MAP3K20: variants seen among roughly 807,000 people sequenced by gnomAD.
MAP3K20 encodes the protein HCCS-4.
A neutral mutation model predicts 85.7 loss-of-function variants in MAP3K20; 40 were observed. The ratio of observed to expected loss-of-function variants is 0.47; its 90% CI spans 0.36 to 0.61. The LOEUF is 0.61. Ranked by LOEUF, MAP3K20 falls within the 20% of genes least tolerant of loss-of-function variation. The pLI, the probability that MAP3K20 is intolerant of heterozygous loss-of-function variation, is 0.00. For synonymous variants in MAP3K20, 325 were observed against 327.7 expected, an observed-to-expected ratio of 0.99 and a Z score of 0.09; for missense variants, 817 against 961.7, an observed-to-expected ratio of 0.85 and a Z score of 1.99.
intron 11 of MAP3K20, chr2:173,225,289 A>T (rs1007575519): frequency 2.1e-5 from 8 of 387,930 alleles, no homozygotes; most frequent in African/African-American, 1.7e-4. Context: ...CAGTGTGCTC[A>T]GTAAAGTCTT....
chr2:173,105,602 A>G (rs2106165759), intron 2 of MAP3K20, among the ~76,000 whole-genome samples: 1 of 152,346 alleles, frequency 6.6e-6, no homozygotes, highest in East Asian at 1.9e-4. Context: ...ATTCTGATCC[A>G]TGCTACAATA....
intron 16 of MAP3K20, among the ~76,000 whole-genome samples, chr2:173,253,925 G>T (rs1371751589): frequency 6.6e-6 from 1 of 152,018 alleles, no homozygotes; most frequent in Non-Finnish European, 1.5e-5. Context: ...GGCGAAATTA[G>T]CCGGGCATGG....
At chr2:173,245,062 A>T (rs1684882749) in intron 16 of MAP3K20, among the ~76,000 whole-genome samples, 1 of 152,204 alleles carries the variant, frequency 6.6e-6, no homozygotes, top group Non-Finnish European at 1.5e-5. Flanking sequence ...AGAATAAGGT[A>T]TGACAGTGAC....
intron 14 of MAP3K20, 131 bp from the exon 15 acceptor site, chr2:173,238,242 G>A (rs1469349727): frequency 3.0e-5 from 22 of 723,532 alleles, no homozygotes; most frequent in South Asian, 3.8e-5. Flanking sequence ...CTAAATAGAC[G>A]TTGGATATAA....
chr2:173,235,332 G>T (rs1164444818), intron 14 of MAP3K20, among the ~76,000 whole-genome samples: 1 of 152,142 alleles, frequency 6.6e-6, no homozygotes, highest in Non-Finnish European at 1.5e-5. Context: ...TTGGGAACAG[G>T]TTGTTGTGAT....
At chr2:173,265,112 A>C (rs1030929692) in intron 19 of MAP3K20, among the ~76,000 whole-genome samples, 2 of 152,240 alleles carry the variant, frequency 1.3e-5, no homozygotes, top group Non-Finnish European at 2.9e-5. Flanking sequence ...TGTCTGGACA[A>C]GTCACTCACT....
intron 11 of MAP3K20, among the ~76,000 whole-genome samples, chr2:173,218,443 C>A (rs7566372): frequency 0.2 from 31,157 of 152,098 alleles, 3,329 homozygotes; most frequent in Admixed American, 0.24. Context: ...TTAAAAGTGC[C>A]ACATTTTATC....
chr2:173,125,808 GC>G, intron 2 of MAP3K20, among the ~76,000 whole-genome samples: 1 of 152,138 alleles, frequency 6.6e-6, no homozygotes, highest in East Asian at 1.9e-4. Flanking sequence ...GACTAAAGAT[GC>G]CTGCCACCAC....
chr2:173,250,688 C>G (rs1471641061), intron 16 of MAP3K20, among the ~76,000 whole-genome samples: 1 of 152,138 alleles, frequency 6.6e-6, no homozygotes. Flanking sequence ...TAGTCCTGTA[C>G]ATCATTATGA....
intron 2 of MAP3K20, among the ~76,000 whole-genome samples, chr2:173,100,644 A>G (rs1174700475): frequency 1.3e-5 from 2 of 152,186 alleles, no homozygotes; most frequent in African/African-American, 4.8e-5. Context: ...TCACCTACAT[A>G]GTAACAAACT....
intron 2 of MAP3K20, among the ~76,000 whole-genome samples, chr2:173,127,937 A>G (rs1353245088): frequency 6.6e-6 from 1 of 152,180 alleles, no homozygotes; most frequent in Admixed American, 6.5e-5. Flanking sequence ...GTGAACATAC[A>G]TGCCCAAAGT....
At chr2:173,197,907 C>A in intron 7 of MAP3K20, 119 bp from the exon 8 acceptor site, 2 of 662,756 alleles carry the variant, frequency 3.0e-6, no homozygotes, top group Non-Finnish European at 2.4e-6. Context: ...CAAGTTTCTA[C>A]AGTTGGGGTT....
intron 2 of MAP3K20, among the ~76,000 whole-genome samples, chr2:173,095,963 A>G (rs1227455877): frequency 2.0e-5 from 3 of 152,156 alleles, no homozygotes; most frequent in African/African-American, 7.2e-5. Flanking sequence ...TATTGTGAAA[A>G]ATTTCAAACA....
chr2:173,079,507 TTTC>T (rs145233745), intron 1 of MAP3K20, among the ~76,000 whole-genome samples: 2,339 of 152,336 alleles, frequency 0.015, 57 homozygotes, highest in African/African-American at 0.053. Flanking sequence ...TTGCTGTAAC[TTTC>T]TTGTTTTATA....
intron 8 of MAP3K20, among the ~76,000 whole-genome samples, chr2:173,201,444 GT>G (rs1209792573): frequency 1.3e-5 from 2 of 152,008 alleles, no homozygotes; most frequent in Non-Finnish European, 2.9e-5. Flanking sequence ...TTACATATGT[GT>G]TTGTTCTAAA....
chr2:173,076,418 G>A (rs1444790025), intron 1 of MAP3K20, among the ~76,000 whole-genome samples: 1 of 152,122 alleles, frequency 6.6e-6, no homozygotes, highest in African/African-American at 2.4e-5. Context: ...GGTGACTGGG[G>A]CACTGTCGGG....
intron 16 of MAP3K20, among the ~76,000 whole-genome samples, chr2:173,256,294 C>A (rs879409945): frequency 3.3e-5 from 5 of 152,148 alleles, no homozygotes; most frequent in Non-Finnish European, 7.3e-5. Flanking sequence ...ATGTGAGGTG[C>A]TTGGTACATT....
chr2:173,155,212 G>A (rs62175814), intron 2 of MAP3K20, among the ~76,000 whole-genome samples: 4,698 of 152,230 alleles, frequency 0.031, 112 homozygotes, highest in Middle Eastern at 0.068. Flanking sequence ...AGTTCTACCA[G>A]TTTCCCTAAT....
chr2:173,082,946 A>G (rs556806273), intron 1 of MAP3K20, among the ~76,000 whole-genome samples: 1 of 152,378 alleles, frequency 6.6e-6, no homozygotes, highest in South Asian at 2.1e-4. Flanking sequence ...TCTGGTAACA[A>G]TACTTTTGGT....
Sources: allele counts gnomAD v4.1 joint callset (sites outside exome capture counted in the v4.1 genomes callset), GRCh38; gene constraint gnomAD v4.1.1; transcripts MANE v1.5; gene names NCBI Gene and HGNC (gene_info 2026-07-23, HGNC 2026-07-21).